ABCC5: variants seen among roughly 807,000 people sequenced by gnomAD.
The protein encoded by ABCC5 is ATP binding cassette subfamily C member 5, also known as ATP-binding cassette sub-family C member 5.
In ABCC5, 61 loss-of-function variants were observed where a neutral mutation model predicts 160.9. That is an observed-to-expected ratio of 0.38 (90% CI 0.31 to 0.47). The LOEUF is 0.47. Among genes scored for constraint, ABCC5 ranks in the 20% least tolerant of loss-of-function variants. The probability of loss-of-function intolerance (pLI) is 0.99; values close to 1 mark genes in which losing one functional copy is unlikely to be tolerated. For missense variants in ABCC5, 1,308 were observed against 1,813.3 expected, an observed-to-expected ratio of 0.72 and a Z score of 5.06; for synonymous variants, 666 against 700.6, an observed-to-expected ratio of 0.95 and a Z score of 0.78.
At chr3:184,007,432 A>G (rs1721319113) in intron 2 of ABCC5, among the ~76,000 whole-genome samples, 1 of 152,142 alleles carries the variant, frequency 6.6e-6, no homozygotes, top group African/African-American at 2.4e-5. Context: ...CACCACCACA[A>G]TAAAATAAAG....
intron 10 of ABCC5, among the ~76,000 whole-genome samples, chr3:183,975,749 T>C (rs1718159827): frequency 6.6e-6 from 1 of 151,534 alleles, no homozygotes; most frequent in African/African-American, 2.4e-5. Context: ...GTCTAAAGTC[T>C]CATGGGGCAT....
Position 183,963,514 on chromosome 3 carries a change from G to A in ABCC5, c.2106C>T (p.Asp702=). 6.2e-7 allele frequency: 1 copy of A among 1,614,242 alleles called. No homozygotes were observed. Among genetic ancestry groups the A allele is most frequent in the Non-Finnish European group, 8.5e-7 (1 of 1,180,052 alleles). ...GGTCGTCCAGGATGTAGATGCTCCTGTCACTATACAAGGCCCGGGCAAGGC... is the reference window on the plus strand; with the variant it reads ...GGTCGTCCAGGATGTAGATGCTCCTATCACTATACAAGGCCCGGGCAAGGC... ...RISLARALYS[D]RSIYILDDPL... is the part of the protein sequence containing the mutation. The change falls in exon 15 of 30, where the codon GAC becomes GAT. Residue 702 remains aspartate, a synonymous_variant. Transcript: ENST00000334444. The surrounding 1 kb of genome is among the most constrained non-coding windows in gnomAD (Gnocchi z 4.6).
intron 25 of ABCC5, among the ~76,000 whole-genome samples, chr3:183,940,344 C>CA (rs780123476): frequency 0.32 from 39,414 of 121,480 alleles, 6,702 homozygotes; most frequent in Middle Eastern, 0.44. Flanking sequence ...CTAAAAAATA[C>CA]AAAAAAAAAA....
chr3:183,927,902 A>C (rs2108760062), intron 27 of ABCC5: 27 of 805,608 alleles, frequency 3.4e-5, no homozygotes, highest in South Asian at 5.7e-5. Flanking sequence ...AACAGAACTC[A>C]TCTACTAATA....
intron 2 of ABCC5, among the ~76,000 whole-genome samples, 187 bp downstream of exon 2, chr3:184,014,077 T>TG (rs1323714636): frequency 6.6e-6 from 1 of 152,108 alleles, no homozygotes; most frequent in Non-Finnish European, 1.5e-5. Context: ...TTCACCATGT[T>TG]GGTCAGGCTG....
intron 15 of ABCC5, among the ~76,000 whole-genome samples, chr3:183,962,670 T>G (rs1716880392): frequency 6.6e-6 from 1 of 152,040 alleles, no homozygotes; most frequent in Non-Finnish European, 1.5e-5. Context: ...TAGCTGGGAT[T>G]GCAGGCACGT....
chr3:183,936,644 A>T (rs985451833), intron 26 of ABCC5, among the ~76,000 whole-genome samples: 1 of 151,962 alleles, frequency 6.6e-6, no homozygotes, highest in African/African-American at 2.4e-5. Flanking sequence ...AGTAGCTGGG[A>T]CTACAGGCGC....
At chr3:183,972,029 A>T in intron 10 of ABCC5, 110 bp from the exon 11 acceptor site, 1 of 1,579,086 alleles carries the variant, frequency 6.3e-7, no homozygotes, top group Non-Finnish European at 8.6e-7. Context: ...ATACAGTGGA[A>T]GGAAGCTGAA....
chr3:183,986,945 AT>A (rs1719272576), intron 5 of ABCC5: 1 of 152,236 alleles, frequency 6.6e-6, no homozygotes, highest in African/African-American at 2.4e-5. Flanking sequence ...CGTTAAAAAA[AT>A]AAAAACAAAA....
At chr3:183,945,733 T>G in intron 24 of ABCC5, 117 bp downstream of exon 24, 1 of 778,772 alleles carries the variant, frequency 1.3e-6, no homozygotes, top group East Asian at 2.5e-5. Context: ...GGAGATTCTG[T>G]GGGATTAGAT....
In ABCC5 at chr3:183,988,163, C is replaced by T. The variant is rs1177464059; in HGVS notation, c.444-246G>A. Among the ~76,000 whole-genome samples, 1 of 152,176 alleles carries T rather than the reference C, an allele frequency of 6.6e-6. No homozygotes were observed. Among genetic ancestry groups the T allele is most frequent in the Non-Finnish European group, 1.5e-5 (1 of 68,032 alleles). On this transcript the variant is annotated intron_variant, in intron 4 of 29. Transcript: ENST00000334444. This position sits in a 1 kb window ranked among gnomAD's most constrained non-coding sequence, Gnocchi z 4.4. ...GAGAGCAAAAGCCTTTCTTTCCACC[C>T]AGGAAAATGATCCCTGAATGCAATT...
Position 183,963,485 on chromosome 3 carries a change from AG to A in ABCC5, c.2134del (p.Leu712SerfsTer4). On this transcript the variant is annotated frameshift_variant, in exon 15 of 30. Coordinates refer to ENST00000334444, the MANE Select transcript of ABCC5 (RefSeq NM_005688.4). LOFTEE classifies it high-confidence loss of function. This position sits in a 1 kb window ranked among gnomAD's most constrained non-coding sequence, Gnocchi z 4.6. ...DRSIYILDDP[L>X]SALDAHVGNH... is the part of the protein sequence containing the mutation. ...GCCCACATGGGCATCTAAGGCACTGAGGGGGTCGTCCAGGATGTAGATGCTC... is the reference window on the plus strand; with the variant it reads ...GCCCACATGGGCATCTAAGGCACTGAGGGGTCGTCCAGGATGTAGATGCTC... The A allele has an allele frequency of 6.2e-7, 1 of 1,614,216 alleles. No individual in the cohort carries two copies. The highest frequency in any genetic ancestry group is 8.5e-7 in the Non-Finnish European group (1 of 1,180,034).
At chr3:183,939,148 AT>A (rs1714037291) in intron 25 of ABCC5, among the ~76,000 whole-genome samples, 1 of 152,142 alleles carries the variant, frequency 6.6e-6, no homozygotes, top group Non-Finnish European at 1.5e-5. Context: ...TTAACACTGC[AT>A]TGGCCGGGCA....
rs768914928 is a variant in ABCC5 at position 183,925,550 on chromosome 3, G to T, written c.4212+5C>A. On this transcript the variant is annotated splice_donor_5th_base_variant and intron_variant, in intron 29 of 29. Transcript: ENST00000334444. ...CCAAGCCAAAGTTCCTGAAGGACTC[G>T]GTACCTGTCCCTGGGCCAGCACCAT... is the stretch of plus-strand genomic sequence containing the variant. 1.4e-5 allele frequency: 22 copies of T among 1,611,904 alleles called. No individual in the cohort carries two copies. In the South Asian group the frequency reaches 2.4e-4, roughly 18 times the overall value.
At chr3:183,925,440 T>C in intron 29 of ABCC5, 115 bp downstream of exon 29, 1 of 1,067,370 alleles carries the variant, frequency 9.4e-7, no homozygotes, top group Non-Finnish European at 1.3e-6. Flanking sequence ...ATAGCGCTGC[T>C]GCAAGTGCTT....
In ABCC5 at chr3:183,925,535, G is replaced by T; in HGVS notation, c.4212+20C>A. 1 of 1,609,392 alleles carries T rather than the reference G, an allele frequency of 6.2e-7. No homozygotes were observed. Among genetic ancestry groups the T allele is most frequent in the East Asian group, 2.2e-5 (1 of 44,848 alleles). ...TTCCTCCCAGACATGCCAAGCCAAA[G>T]TTCCTGAAGGACTCGGTACCTGTCC... On this transcript the variant is annotated intron_variant, in intron 29 of 29. Coordinates refer to ENST00000334444, the MANE Select transcript of ABCC5 (RefSeq NM_005688.4).
At chr3:183,995,593 G>A (rs930747120) in intron 2 of ABCC5, among the ~76,000 whole-genome samples, 7 of 152,138 alleles carry the variant, frequency 4.6e-5, no homozygotes, top group Admixed American at 6.5e-5. Context: ...AGTTGGCCAT[G>A]CCTGTGTGAG....
chr3:183,983,347 A>T, intron 5 of ABCC5: 1 of 310,704 alleles, frequency 3.2e-6, no homozygotes, highest in East Asian at 6.4e-5. Context: ...ATCTCCACAC[A>T]TGGATACATT....
chr3:183,947,862 G>C (rs904865780), intron 22 of ABCC5, among the ~76,000 whole-genome samples: 1 of 152,198 alleles, frequency 6.6e-6, no homozygotes, highest in Non-Finnish European at 1.5e-5. Flanking sequence ...AGGTCAGAAG[G>C]CATTTTCTGA....
Sources: gnomAD v4.1 joint callset for allele counts (sites outside exome capture counted in the v4.1 genomes callset) on GRCh38, gnomAD v4.1.1 for gene constraint, Gnocchi (gnomAD v3.1) non-coding constraint, MANE v1.5 for transcripts, NCBI Gene and HGNC (gene_info 2026-07-23, HGNC 2026-07-21) for gene names.